Variants in WDR4 observed in about 807,000 individuals in gnomAD.
WDR4 encodes the protein WDR4 tRNA N7-guanosine methyltransferase non-catalytic subunit.
WDR4 carries 47 observed loss-of-function variants against 48.6 expected under a neutral mutation model. That is an observed-to-expected ratio of 0.97 (90% CI 0.77 to 1.23). The LOEUF is 1.23. Ranked by LOEUF, WDR4 falls within the 50% of genes most tolerant of loss-of-function variation. WDR4 has a pLI of 0.00. For missense variants in WDR4, 606 were observed against 551.6 expected (o/e 1.10, Z -0.99); for synonymous variants, 268 against 230.0 (o/e 1.17, Z -1.49).
At chr21:42,860,111 C>T (rs1391134351) in intron 5 of WDR4, among the ~76,000 whole-genome samples, 1 of 152,158 alleles carries the variant, frequency 6.6e-6, no homozygotes, top group Non-Finnish European at 1.5e-5. Flanking sequence ...GGCACCTGCA[C>T]TGTGATGAAA....
chr21:42,854,947 C>A (rs1312998556), intron 7 of WDR4, among the ~76,000 whole-genome samples: 1 of 152,112 alleles, frequency 6.6e-6, no homozygotes, highest in African/African-American at 2.4e-5. Context: ...GAGAGCTACA[C>A]ATACAACTGC....
downstream of WDR4, among the ~76,000 whole-genome samples, chr21:42,846,068 C>T (rs1050331889): frequency 2.6e-5 from 4 of 151,802 alleles, no homozygotes; most frequent in Non-Finnish European, 2.9e-5. Flanking sequence ...GGAGGCCCAG[C>T]GAGCCAAGGT....
chr21:42,859,299 C>T (rs958433152), intron 6 of WDR4, among the ~76,000 whole-genome samples: 3 of 152,006 alleles, frequency 2.0e-5, no homozygotes, highest in Non-Finnish European at 4.4e-5. Flanking sequence ...AAATGCAGCC[C>T]GTAATGGGAT....
chr21:42,875,696 C>A (rs1217496574), intron 2 of WDR4, among the ~76,000 whole-genome samples: 1 of 152,120 alleles, frequency 6.6e-6, no homozygotes, highest in African/African-American at 2.4e-5. Flanking sequence ...AACAGAGAGA[C>A]CCTGTCTCAA....
the WDR4 span, among the ~76,000 whole-genome samples, chr21:42,887,399 A>T: frequency 5.9e-5 from 9 of 151,898 alleles, no homozygotes; most frequent in South Asian, 1.9e-3. Flanking sequence ...TCAGCCTCCT[A>T]AAGTGCAGAA....
chr21:42,847,135 T>A (rs1445375453), downstream of WDR4, among the ~76,000 whole-genome samples: 4 of 151,592 alleles, frequency 2.6e-5, no homozygotes, highest in African/African-American at 4.9e-5. Flanking sequence ...ACATAGAAAC[T>A]AAAAAAATAA....
chr21:42,889,060 T>C, the WDR4 span, among the ~76,000 whole-genome samples: 1 of 148,712 alleles, frequency 6.7e-6, no homozygotes, highest in Admixed American at 6.7e-5. Context: ...TCAATCTATA[T>C]ATATATAGAT....
chr21:42,871,736 C>CT lies in WDR4; in HGVS notation c.296+1814dup, dbSNP rs536574746. ...GCCAGAAGGTGGGTAAGAAGGGAGA[C>CT]TGACGCATACTCTTTGGTTTAATTT... On this transcript the variant is annotated intron_variant, in intron 3 of 10. Transcript: ENST00000398208. Among the ~76,000 whole-genome samples, 271 of 152,320 alleles carry CT rather than the reference C, an allele frequency of 1.8e-3. 1 individual carries two copies. Among genetic ancestry groups the CT allele is most frequent in the Non-Finnish European group, 3.0e-3 (207 of 68,024 alleles).
At position 42,849,438 on chromosome 21, in the gene WDR4, A is replaced by G. The variant is rs2057760461; in HGVS notation, c.*611T>C. 6.6e-6 allele frequency: 1 copy of G among 152,304 alleles called. No individual in the cohort carries two copies. The highest frequency in any genetic ancestry group is 1.5e-5 in the Non-Finnish European group (1 of 68,142). 9.4% of individuals were successfully genotyped at this position (152,304 alleles called of 1,614,324 possible). On this transcript the variant is annotated 3_prime_UTR_variant, in exon 11 of 11. Transcript: ENST00000398208. ...TCACACTTCCTGAAACAAGTTCACC[A>G]TCTGTGCCACCGATGCCAGACAGAG...
intron 3 of WDR4, among the ~76,000 whole-genome samples, chr21:42,872,721 G>C (rs1038131920): frequency 6.6e-6 from 1 of 152,052 alleles, no homozygotes; most frequent in African/African-American, 2.4e-5. Flanking sequence ...GATCACCTGA[G>C]GTCAGGAGTT....
chr21:42,892,069 C>T, the WDR4 span, among the ~76,000 whole-genome samples: 2 of 150,640 alleles, frequency 1.3e-5, no homozygotes, highest in Non-Finnish European at 3.0e-5. Context: ...CTGGCTAACA[C>T]GGTGAAACCC....
At chr21:42,879,665 C>T (rs1422060395), upstream of WDR4, 6 of 783,726 alleles carry the variant, frequency 7.7e-6, no homozygotes, top group African/African-American at 3.5e-5. Context: ...TGTGACCGCC[C>T]TCCGGGTTGT....
upstream of WDR4, among the ~76,000 whole-genome samples, chr21:42,882,337 C>G (rs2146129466): frequency 6.7e-6 from 1 of 149,942 alleles, no homozygotes; most frequent in East Asian, 2.0e-4. Flanking sequence ...CCAAGGCGAG[C>G]AGATCACCTG....
chr21:42,848,567 C>T (rs1348708786), downstream of WDR4, among the ~76,000 whole-genome samples: 4 of 59,402 alleles, frequency 6.7e-5, 1 homozygote, highest in African/African-American at 2.3e-4. Context: ...CACGATCACG[C>T]GGCGCGCACC....
At chr21:42,847,944 C>T (rs368158970), downstream of WDR4, among the ~76,000 whole-genome samples, 22 of 152,310 alleles carry the variant, frequency 1.4e-4, 1 homozygote, top group South Asian at 2.1e-3. Flanking sequence ...GCCCTGGCAG[C>T]GTGAAGGAGG....
At chr21:42,857,029 C>G (rs1285605066) in intron 6 of WDR4, among the ~76,000 whole-genome samples, 2 of 152,068 alleles carry the variant, frequency 1.3e-5, no homozygotes, top group Non-Finnish European at 2.9e-5. Flanking sequence ...CAGAGAAGCC[C>G]GAGAGGTGCC....
At position 42,853,590 on chromosome 21, in the gene WDR4, C is replaced by G. The variant is rs768937796; in HGVS notation, c.954G>C (p.Arg318Ser). Residue 318 changes from arginine to serine, a missense_variant, in exon 9 of 11, where the codon AGG becomes AGC. Coordinates refer to ENST00000398208, the MANE Select transcript of WDR4 (RefSeq NM_018669.6). Reference sequence around the variant, plus strand: ...TCACCTGCCACTGGTCGCCCACAGGCCTGTAGAGCACCAGGGGGGCTTCCT... The same window carrying G: ...TCACCTGCCACTGGTCGCCCACAGGGCTGTAGAGCACCAGGGGGGCTTCCT... ...DCQEAPLVLY[R>S]PVGDQWQSVP... 2.2e-5 allele frequency: 36 copies of G among 1,610,902 alleles called. No homozygotes were observed. The highest frequency in any genetic ancestry group is 1.7e-6 in the Non-Finnish European group (2 of 1,179,254).
At chr21:42,843,243 G>A (rs561673406) in exon 12 of WDR4, 17 of 152,124 alleles carry the variant, frequency 1.1e-4, no homozygotes, top group South Asian at 2.1e-4. Flanking sequence ...AGTGGTCCAC[G>A]GATCGCACAT....
chr21:42,883,138 G>A (rs1347761812), upstream of WDR4, among the ~76,000 whole-genome samples: 3 of 150,556 alleles, frequency 2.0e-5, no homozygotes, highest in African/African-American at 4.9e-5. Context: ...AGCTGGGAGT[G>A]GTGGTGCGTG....
Sources: allele counts gnomAD v4.1 joint callset (sites outside exome capture counted in the v4.1 genomes callset), GRCh38; gene constraint gnomAD v4.1.1; transcripts MANE v1.5; gene names NCBI Gene and HGNC (gene_info 2026-07-23, HGNC 2026-07-21).